The following FGD5 variants were observed in gnomAD, a reference collection of about 807,000 sequenced individuals.
FGD5 encodes the protein FYVE, RhoGEF and PH domain containing 5.
A neutral mutation model predicts 133.4 loss-of-function variants in FGD5; 28 were observed. The ratio of observed to expected loss-of-function variants is 0.21; its 90% CI spans 0.16 to 0.29. The LOEUF (loss-of-function observed/expected upper bound fraction) is 0.29. Among genes scored for constraint, FGD5 ranks in the 10% least tolerant of loss-of-function variants. FGD5 has a pLI of 1.00. For synonymous variants in FGD5, 810 were observed against 776.5 expected, an observed-to-expected ratio of 1.04 and a Z score of -0.72; for missense variants, 1,858 against 1,895.2, an observed-to-expected ratio of 0.98 and a Z score of 0.36.
chr3:14,873,032 G>A (rs1172655211), intron 2 of FGD5, among the ~76,000 whole-genome samples: 3 of 152,214 alleles, frequency 2.0e-5, no homozygotes, highest in Admixed American at 1.3e-4. Context: ...ACAGCCTTAG[G>A]TCTTGTTTAT....
At chr3:14,885,297 G>A (rs981338249) in intron 4 of FGD5, among the ~76,000 whole-genome samples, 1 of 151,710 alleles carries the variant, frequency 6.6e-6, no homozygotes, top group Non-Finnish European at 1.5e-5. Flanking sequence ...CAGATAGTGA[G>A]AAGAGAGGTG....
intron 1 of FGD5, among the ~76,000 whole-genome samples, chr3:14,842,929 A>G (rs2036951910): frequency 6.6e-6 from 1 of 152,172 alleles, no homozygotes; most frequent in South Asian, 2.1e-4. Flanking sequence ...CACCTTGTCT[A>G]AGATAGATTG....
chr3:14,932,683 A>G lies in FGD5; in HGVS notation c.4304A>G (p.Lys1435Arg), dbSNP rs750257157. The change falls in exon 19 of 20, where the codon AAA becomes AGA. Residue 1435 changes from lysine to arginine, a missense_variant. Around this residue, in one of 3 missense-constraint regions of FGD5, gnomAD observed 1,824 missense variants for 1,848.9 expected, o/e 0.99. Transcript: ENST00000285046. ...VGPIFHLYHK[K>R]TLFYSFKAED... is the part of the protein sequence containing the mutation. ...CCTATTTTTCACCTTTACCACAAGA[A>G]AACCCTATTTTATAGCTTCAAAGCA... The G allele has an allele frequency of 5.0e-6, 8 of 1,614,018 alleles. No individual in the cohort carries two copies. The South Asian group carries it at 8.8e-5, about 18-fold the overall frequency.
Position 14,923,954 on chromosome 3 carries a change from C to A in FGD5, c.3938-54C>A, listed in dbSNP as rs995639768. The A allele has an allele frequency of 1.6e-5, 26 of 1,605,744 alleles. No individual in the cohort carries two copies. The African/African-American group carries it at 3.2e-4, about 20-fold the overall frequency. On this transcript the variant is annotated intron_variant, in intron 16 of 19. Coordinates refer to ENST00000285046, the MANE Select transcript of FGD5 (RefSeq NM_152536.4). ...TTTACAGGAATCAGTGTTCCAAAGA[C>A]AAGCCGCAGGCACGCCTCTCACCTC...
chr3:14,878,645 A>G (rs1185977201), intron 2 of FGD5, among the ~76,000 whole-genome samples: 4 of 152,184 alleles, frequency 2.6e-5, no homozygotes, highest in Non-Finnish European at 5.9e-5. Context: ...CAGGTAAGAA[A>G]ATTGAGGCAC....
chr3:14,850,696 AGTC>A (rs1220384884), intron 1 of FGD5, among the ~76,000 whole-genome samples: 4 of 150,778 alleles, frequency 2.7e-5, no homozygotes, highest in African/African-American at 9.7e-5. Flanking sequence ...AATTAACTGG[AGTC>A]GTTGTAGTAA....
chr3:14,813,625 C>G (rs1441449756), intron 1 of FGD5, among the ~76,000 whole-genome samples: 6 of 152,098 alleles, frequency 3.9e-5, no homozygotes, highest in Admixed American at 6.5e-5. Context: ...AGGCTGTGGT[C>G]GGCCAGAGCA....
At chr3:14,931,271 A>G (rs2038895058) in intron 18 of FGD5, 1 of 152,198 alleles carries the variant, frequency 6.6e-6, no homozygotes, top group African/African-American at 2.4e-5. Flanking sequence ...TTTTACCATG[A>G]ATGGATATTG....
At position 14,844,216 on chromosome 3, in the gene FGD5, AAATATATATATATATATATATATATAT is replaced by A. The variant is rs1165248345; in HGVS notation, c.2526-19910_2526-19884del. On this transcript the variant is annotated intron_variant, in intron 1 of 19. Coordinates refer to ENST00000285046, the MANE Select transcript of FGD5 (RefSeq NM_152536.4). Reference sequence around the variant, plus strand: ...TCTTAATAGGCATTAAAAAAAAAAAAAATATATATATATATATATATATATATATATATATATATATATATATATATA... The same window carrying A: ...TCTTAATAGGCATTAAAAAAAAAAAAATATATATATATATATATATATATA... 5.3e-4 allele frequency among the ~76,000 whole-genome samples: 16 copies of A among 30,380 alleles called. 1 individual carries two copies. Among genetic ancestry groups the A allele is most frequent in the African/African-American group, 1.3e-3 (8 of 6,140 alleles). The allele number at this position is 30,380 out of a possible 152,430, so 19.9% of individuals were successfully genotyped here.
At chr3:14,908,416 C>T (rs1466635474) in intron 10 of FGD5, among the ~76,000 whole-genome samples, 3 of 152,102 alleles carry the variant, frequency 2.0e-5, no homozygotes, top group African/African-American at 7.2e-5. Flanking sequence ...GAATGGACTC[C>T]TCGTGGGTAC....
At chr3:14,837,928 A>G (rs1324221502) in intron 1 of FGD5, among the ~76,000 whole-genome samples, 2 of 152,210 alleles carry the variant, frequency 1.3e-5, no homozygotes, top group Non-Finnish European at 2.9e-5. Context: ...GCAATTTGCC[A>G]TAAATTTAGT....
rs1575198794 is a variant in FGD5 at position 14,838,156 on chromosome 3, G to C, written c.2525+16560G>C. 2.6e-5 allele frequency among the ~76,000 whole-genome samples: 4 copies of C among 152,288 alleles called. No individual in the cohort carries two copies. In the East Asian group the frequency reaches 7.7e-4, roughly 29 times the overall value. On this transcript the variant is annotated intron_variant, in intron 1 of 19. Coordinates refer to ENST00000285046, the MANE Select transcript of FGD5 (RefSeq NM_152536.4). The stretch of plus-strand genomic sequence containing the variant: ...GGACTGAGGGCCCTGCTTCCCTGTT[G>C]GCTGTCACGGGGCTGATCTTTGCCC...
chr3:14,918,638 G>A, intron 12 of FGD5, 116 bp from the exon 13 acceptor site: 1 of 997,830 alleles, frequency 1.0e-6, no homozygotes, highest in Non-Finnish European at 1.5e-6. Flanking sequence ...ATGCCCTGAG[G>A]CTAGAGAACG....
chr3:14,902,160 T>C (rs2038252034), intron 9 of FGD5, among the ~76,000 whole-genome samples: 1 of 152,042 alleles, frequency 6.6e-6, no homozygotes, highest in Non-Finnish European at 1.5e-5. Flanking sequence ...CACACACCTT[T>C]AGTCCCAGCT....
chr3:14,891,167 G>A (rs994122410), intron 4 of FGD5, among the ~76,000 whole-genome samples: 3 of 152,158 alleles, frequency 2.0e-5, no homozygotes, highest in Non-Finnish European at 4.4e-5. Context: ...TGGAGGCTGG[G>A]TCCTAAATAT....
chr3:14,922,575 TGTGCATG>T lies in FGD5; in HGVS notation c.3807+29_3807+35del. 6.4e-7 allele frequency: 1 copy of T among 1,558,856 alleles called. No homozygotes were observed. ...TGAGTCGCTGCATCTGGGGTGAGTGTGTGCATGGGGGTGGGGTGGGGGAAGGGCATGT... is the reference window on the plus strand; with the variant it reads ...TGAGTCGCTGCATCTGGGGTGAGTGTGGGGTGGGGTGGGGGAAGGGCATGT... On this transcript the variant is annotated intron_variant, in intron 15 of 19. Transcript: ENST00000285046. This position sits in a 1 kb window ranked among gnomAD's most constrained non-coding sequence, Gnocchi z 4.1.
chr3:14,838,500 A>AC (rs2036860551), intron 1 of FGD5, among the ~76,000 whole-genome samples: 1 of 151,948 alleles, frequency 6.6e-6, no homozygotes, highest in Non-Finnish European at 1.5e-5. Context: ...CTGCCATCTG[A>AC]CCCCCCAGTG....
intron 2 of FGD5, among the ~76,000 whole-genome samples, chr3:14,880,324 A>G (rs1229076218): frequency 6.6e-6 from 1 of 152,244 alleles, no homozygotes; most frequent in African/African-American, 2.4e-5. Context: ...ACTGCACTCC[A>G]GCCTGGGTGA....
At chr3:14,810,807 G>A (rs1306176078), upstream of FGD5, 2 of 984,316 alleles carry the variant, frequency 2.0e-6, no homozygotes, top group African/African-American at 1.8e-5. Flanking sequence ...TGGGACCCGC[G>A]GACGGACTGA....
Sources: gnomAD v4.1 joint callset for allele counts (sites outside exome capture counted in the v4.1 genomes callset) on GRCh38, gnomAD v4.1.1 for gene constraint, gnomAD v4.1.1 regional missense constraint, Gnocchi (gnomAD v3.1) non-coding constraint, MANE v1.5 for transcripts, NCBI Gene and HGNC (gene_info 2026-07-23, HGNC 2026-07-21) for gene names.